Variants in AGAP1 observed in about 807,000 individuals in gnomAD.
AGAP1 encodes the protein ArfGAP with GTPase domain, ankyrin repeat and PH domain 1.
AGAP1 carries 29 observed loss-of-function variants against 105.3 expected under a neutral mutation model. That is an observed-to-expected ratio of 0.28 (90% CI 0.21 to 0.38). The LOEUF (loss-of-function observed/expected upper bound fraction) is 0.38, where lower values mean the gene tolerates loss of function less well. AGAP1 is among the 10% of genes least tolerant of loss of function. AGAP1 has a pLI of 1.00. For synonymous variants in AGAP1, 509 were observed against 485.9 expected (o/e 1.05, Z -0.63); for missense variants, 998 against 1,165.1 (o/e 0.86, Z 2.09).
chr2:236,043,455 G>A lies in AGAP1; in HGVS notation c.1891+2614G>A, dbSNP rs147249595. On this transcript the variant is annotated intron_variant, in intron 15 of 17. Transcript: ENST00000304032. The stretch of plus-strand genomic sequence containing the variant: ...AAAAGACTTAATTGAGCCTGGGCAC[G>A]GTGGCTCACGCCTGTAATCCCAGCA... Among the ~76,000 whole-genome samples the A allele has an allele frequency of 3.1e-3, 475 of 152,310 alleles. 3 individuals are homozygous for A. Among genetic ancestry groups the A allele is most frequent in the African/African-American group, 0.01 (435 of 41,572 alleles).
chr2:236,099,368 T>C (rs2059284423), intron 16 of AGAP1, among the ~76,000 whole-genome samples: 1 of 151,102 alleles, frequency 6.6e-6, no homozygotes, highest in African/African-American at 2.4e-5. Flanking sequence ...GGCAGGAGAA[T>C]GGCATGAACC....
chr2:236,100,281 G>A (rs143611072), intron 16 of AGAP1, among the ~76,000 whole-genome samples: 1,588 of 152,218 alleles, frequency 0.01, 17 homozygotes, highest in Non-Finnish European at 0.016. Flanking sequence ...ACTCTGTGTC[G>A]ATGGTAGAAA....
chr2:235,584,667 T>A (rs1353040544), intron 1 of AGAP1, among the ~76,000 whole-genome samples: 2 of 151,806 alleles, frequency 1.3e-5, no homozygotes, highest in Non-Finnish European at 2.9e-5. Flanking sequence ...ATTTTTGAAC[T>A]TCTGGCTTCC....
rs910452960 is a variant in AGAP1, at chr2:236,126,858, C to T, written c.*2736C>T. On this transcript the variant is annotated 3_prime_UTR_variant, in exon 18 of 18. Transcript: ENST00000304032. ...CCAGAAGTCCTTTCTTTGCGGACCGCACTCTCGTTCCCACTTTCAAGCTAA... is the reference window on the plus strand; with the variant it reads ...CCAGAAGTCCTTTCTTTGCGGACCGTACTCTCGTTCCCACTTTCAAGCTAA... The T allele has an allele frequency of 6.6e-6, 1 of 152,220 alleles. No homozygotes were observed. Among genetic ancestry groups the T allele is most frequent in the African/African-American group, 2.4e-5 (1 of 41,434 alleles). 9.4% of individuals were successfully genotyped at this position (152,220 alleles called of 1,614,324 possible). A position where few individuals can be genotyped will look rare whatever the true frequency, so the allele number is the denominator to read the frequency against.
In AGAP1 at chr2:235,845,392, G is replaced by A. The variant is rs1961351217; in HGVS notation, c.1051-37953G>A. 6.6e-6 allele frequency among the ~76,000 whole-genome samples: 1 copy of A among 152,084 alleles called. No homozygotes were observed. Among genetic ancestry groups the A allele is most frequent in the Non-Finnish European group, 1.5e-5 (1 of 68,020 alleles). ...CTGGGAGTGCAGATTTTGCAGACAT[G>A]GAAGCAGAAAATCATATGATACCCT... On this transcript the variant is annotated intron_variant, in intron 9 of 17. Coordinates refer to ENST00000304032, the MANE Select transcript of AGAP1 (RefSeq NM_001037131.3). This position sits in a 1 kb window ranked among gnomAD's most constrained non-coding sequence, Gnocchi z 4.8.
chr2:235,517,934 A>AG lies in AGAP1; in HGVS notation c.163+23085_163+23086insG, dbSNP rs1942458028. Among the ~76,000 whole-genome samples, 1 of 83,818 alleles carries AG rather than the reference A, an allele frequency of 1.2e-5. No homozygotes were observed. Among genetic ancestry groups the AG allele is most frequent in the African/African-American group, 5.6e-5 (1 of 17,788 alleles). The allele number at this position is 83,818 out of a possible 152,430, so 55.0% of individuals were successfully genotyped here. A position where few individuals can be genotyped will look rare whatever the true frequency, so the allele number is the denominator to read the frequency against. On this transcript the variant is annotated intron_variant, in intron 1 of 17. Coordinates refer to ENST00000304032, the MANE Select transcript of AGAP1 (RefSeq NM_001037131.3). The surrounding 1 kb of genome is among the most constrained non-coding windows in gnomAD (Gnocchi z 4.1). The stretch of plus-strand genomic sequence containing the variant: ...GGTGACAGAGTGAGACTCCGTTTCA[A>AG]AAAAAAAAAAAAAGAAAAAAAAAAG...
At chr2:235,670,637 A>T in intron 1 of AGAP1, 1 of 626,840 alleles carries the variant, frequency 1.6e-6, no homozygotes, top group South Asian at 1.7e-5. Flanking sequence ...CAGCTCCGGG[A>T]GCCTGGCCTG....
intron 8 of AGAP1, among the ~76,000 whole-genome samples, chr2:235,803,633 A>G (rs1490179244): frequency 6.6e-6 from 1 of 152,276 alleles, no homozygotes; most frequent in East Asian, 1.9e-4. Flanking sequence ...TTCCAATACC[A>G]TTTTACACAT....
chr2:235,878,749 G>A (rs1168682623), intron 9 of AGAP1, among the ~76,000 whole-genome samples: 3 of 152,208 alleles, frequency 2.0e-5, no homozygotes, highest in Non-Finnish European at 2.9e-5. Context: ...GCCCCTGTCC[G>A]CTCATGTTCC....
rs368278724 is a variant in AGAP1, at chr2:235,827,853, G to T, written c.1050+20522G>T. ...CTGCCTTCACTCTGGAATGCTTTGC[G>T]CCTGCTGGGATGTTGCTAGCATGCC... On this transcript the variant is annotated intron_variant, in intron 9 of 17. Transcript: ENST00000304032. 1.4e-4 allele frequency among the ~76,000 whole-genome samples: 21 copies of T among 152,324 alleles called. 1 individual carries two copies. The highest frequency in any genetic ancestry group is 4.6e-4 in the African/African-American group (19 of 41,570).
chr2:235,966,838 CT>C (rs959011450), intron 12 of AGAP1, among the ~76,000 whole-genome samples: 8 of 152,166 alleles, frequency 5.3e-5, no homozygotes, highest in Non-Finnish European at 1.0e-4. Flanking sequence ...CGAGGGGTCT[CT>C]GCCTTAGGGC....
Position 235,979,607 on chromosome 2 carries a change from C to T in AGAP1, c.1645+10984C>T, listed in dbSNP as rs543535519. Reference sequence around the variant, plus strand: ...CCAGTGAAAGAACAGGCGCAGCGAACGTTCCGGCAGGCATTGCCGTGCACG... The same window carrying T: ...CCAGTGAAAGAACAGGCGCAGCGAATGTTCCGGCAGGCATTGCCGTGCACG... On this transcript the variant is annotated intron_variant, in intron 13 of 17. Coordinates refer to ENST00000304032, the MANE Select transcript of AGAP1 (RefSeq NM_001037131.3). This position sits in a 1 kb window ranked among gnomAD's most constrained non-coding sequence, Gnocchi z 4.5. Among the ~76,000 whole-genome samples the T allele has an allele frequency of 1.3e-5, 2 of 152,294 alleles. No homozygotes were observed. Among genetic ancestry groups the T allele is most frequent in the East Asian group, 3.9e-4 (2 of 5,164 alleles).
At chr2:235,727,361 C>A (rs1951699663) in intron 3 of AGAP1, among the ~76,000 whole-genome samples, 2 of 152,010 alleles carry the variant, frequency 1.3e-5, no homozygotes, top group East Asian at 3.9e-4. Context: ...GGGTGTTGTG[C>A]AATGCAGTTC....
chr2:235,884,618 AT>A (rs1575692385), intron 10 of AGAP1, among the ~76,000 whole-genome samples: 1 of 151,506 alleles, frequency 6.6e-6, no homozygotes, highest in Admixed American at 6.6e-5. Context: ...GCCCAGCTAA[AT>A]TTTTTTGTGT....
In AGAP1 at chr2:235,728,121, A is replaced by G. The variant is rs1575244118; in HGVS notation, c.310+10477A>G. On this transcript the variant is annotated intron_variant, in intron 3 of 17. Coordinates refer to ENST00000304032, the MANE Select transcript of AGAP1 (RefSeq NM_001037131.3). The surrounding 1 kb of genome is among the most constrained non-coding windows in gnomAD (Gnocchi z 4.3). ...CTGCCCATGGCAAATTCCAAGGGCC[A>G]GGACGATGGAGACAAGGGAAGTAGA... Among the ~76,000 whole-genome samples the G allele has an allele frequency of 6.6e-6, 1 of 152,212 alleles. No homozygotes were observed.
At chr2:235,774,467 A>AGACC (rs1484319238) in intron 6 of AGAP1, 1 of 441,478 alleles carries the variant, frequency 2.3e-6, no homozygotes, top group Admixed American at 2.7e-5. Context: ...GACTTGGGCA[A>AGACC]GACCAGTAGG....
rs2058211368 is a variant in AGAP1, at chr2:236,062,042, G to T, written c.2114+12761G>T. On this transcript the variant is annotated intron_variant, in intron 16 of 17. Coordinates refer to ENST00000304032, the MANE Select transcript of AGAP1 (RefSeq NM_001037131.3). This position sits in a 1 kb window ranked among gnomAD's most constrained non-coding sequence, Gnocchi z 4.2. ...GTGGCTGCCCCTCCTCAGGCCTGGG[G>T]AGTAGAGCTCTGAGCAGGATGTGCA... 6.6e-6 allele frequency among the ~76,000 whole-genome samples: 1 copy of T among 152,260 alleles called. No homozygotes were observed. Among genetic ancestry groups the T allele is most frequent in the East Asian group, 1.9e-4 (1 of 5,160 alleles).
At position 235,689,773 on chromosome 2, in the gene AGAP1, T is replaced by A. The variant is rs1473370397; in HGVS notation, c.164-19406T>A. Reference sequence around the variant, plus strand: ...CTGCATGTGTGTACGTGCACACTTGTGTGACGTGTCAGCTCGTGCCTGCAG... The same window carrying A: ...CTGCATGTGTGTACGTGCACACTTGAGTGACGTGTCAGCTCGTGCCTGCAG... On this transcript the variant is annotated intron_variant, in intron 1 of 17. Transcript: ENST00000304032. The surrounding 1 kb of genome is among the most constrained non-coding windows in gnomAD (Gnocchi z 4.2). 1.3e-5 allele frequency among the ~76,000 whole-genome samples: 2 copies of A among 152,204 alleles called. No individual in the cohort carries two copies. Among genetic ancestry groups the A allele is most frequent in the African/African-American group, 2.4e-5 (1 of 41,466 alleles).
In AGAP1 at chr2:235,969,757, G is replaced by A. The variant is rs541303957; in HGVS notation, c.1645+1134G>A. On this transcript the variant is annotated intron_variant, in intron 13 of 17. Transcript: ENST00000304032. ...GTGTTTCCATAACACCGGAGGCAGG[G>A]AGCATCATTTCTTTCATCATCAGGA... 1.6e-4 allele frequency among the ~76,000 whole-genome samples: 24 copies of A among 152,256 alleles called. No individual in the cohort carries two copies. In the South Asian group the frequency reaches 3.3e-3, roughly 21 times the overall value.
Sources: allele counts gnomAD v4.1 joint callset (sites outside exome capture counted in the v4.1 genomes callset), GRCh38; gene constraint gnomAD v4.1.1; non-coding constraint Gnocchi (gnomAD v3.1); transcripts MANE v1.5; gene names NCBI Gene and HGNC (gene_info 2026-07-23, HGNC 2026-07-21).